ZNF682: variants seen among roughly 807,000 people sequenced by gnomAD.
The protein encoded by ZNF682 is zinc finger protein 682.
Under a neutral mutation model 36.5 loss-of-function variants are expected in ZNF682, and 29 were observed. The observed-to-expected ratio is 0.80, with a 90% CI of 0.59 to 1.08. The LOEUF (loss-of-function observed/expected upper bound fraction) is 1.08. ZNF682 is among the 50% of genes least tolerant of loss of function. The pLI is 0.00. For synonymous variants in ZNF682, 180 were observed against 197.0 expected (o/e 0.91, Z 0.72); for missense variants, 561 against 579.7 (o/e 0.97, Z 0.33).
intron 3 of ZNF682, chr19:20,007,863 C>T (rs2088242589): frequency 6.5e-6 from 1 of 153,322 alleles, no homozygotes; most frequent in African/African-American, 2.4e-5. Context: ...GCATCTTGCA[C>T]TGAGGGGATC....
chr19:20,023,769 G>A (rs1006308933), intron 2 of ZNF682, among the ~76,000 whole-genome samples: 2 of 151,858 alleles, frequency 1.3e-5, no homozygotes, highest in African/African-American at 4.8e-5. Context: ...ATCACGTGAG[G>A]TCAGGAGTTC....
intron 3 of ZNF682, among the ~76,000 whole-genome samples, chr19:20,020,714 A>G (rs1210022715): frequency 6.6e-6 from 1 of 152,212 alleles, no homozygotes; most frequent in Non-Finnish European, 1.5e-5. Context: ...ACAATAGAGT[A>G]TTATTCAGCC....
chr19:19,995,186 AATAAT>A (rs879811068), downstream of ZNF682, among the ~76,000 whole-genome samples: 27 of 152,310 alleles, frequency 1.8e-4, no homozygotes, highest in African/African-American at 6.0e-4. Context: ...ATAATAAACA[AATAAT>A]ATAATAAGCA....
At chr19:20,026,033 T>C (rs2122369855) in intron 1 of ZNF682, among the ~76,000 whole-genome samples, 1 of 152,300 alleles carries the variant, frequency 6.6e-6, no homozygotes, top group East Asian at 1.9e-4. Context: ...CCAGGTGCTG[T>C]GGCTCACGCC....
chr19:20,029,041 C>T lies in ZNF682; in HGVS notation c.4-4665G>A, dbSNP rs573761954. ...TTGCCCAGGCTGGAGGGCAGTGGCACGATCTTGGCTCACTGCAATTTCCAC... is the reference window on the plus strand; with the variant it reads ...TTGCCCAGGCTGGAGGGCAGTGGCATGATCTTGGCTCACTGCAATTTCCAC... On this transcript the variant is annotated intron_variant, in intron 1 of 3. Transcript: ENST00000397165. Among the ~76,000 whole-genome samples, 23 of 149,656 alleles carry T rather than the reference C, an allele frequency of 1.5e-4. No homozygotes were observed. In the South Asian group the frequency reaches 4.2e-3, roughly 27 times the overall value.
intron 1 of ZNF682, among the ~76,000 whole-genome samples, chr19:20,025,306 G>A (rs548105789): frequency 1.3e-5 from 2 of 152,188 alleles, no homozygotes; most frequent in South Asian, 2.1e-4. Context: ...AGGTACTTAC[G>A]AATAATAAAG....
At chr19:20,033,082 G>A (rs1284643454) in intron 1 of ZNF682, among the ~76,000 whole-genome samples, 1 of 152,096 alleles carries the variant, frequency 6.6e-6, no homozygotes, top group Admixed American at 6.5e-5. Context: ...CCTGGCCAAC[G>A]TGGTGAAACC....
At position 20,005,936 on chromosome 19, in the gene ZNF682, G is replaced by A; in HGVS notation, c.*69C>T. ...GTATGAATTATCTTGTGATTTCAAT[G>A]CCTTGAGCAAGATTTATGGAATTTG... On this transcript the variant is annotated 3_prime_UTR_variant, in exon 4 of 4. Coordinates refer to ENST00000397165, the MANE Select transcript of ZNF682 (RefSeq NM_033196.3). 7.1e-7 allele frequency: 1 copy of A among 1,407,740 alleles called. No individual in the cohort carries two copies. Among genetic ancestry groups the A allele is most frequent in the Non-Finnish European group, 9.7e-7 (1 of 1,035,650 alleles). The allele number at this position is 1,407,740 out of a possible 1,614,324, so 87.2% of individuals were successfully genotyped here. A position where few individuals can be genotyped will look rare whatever the true frequency, so the allele number is the denominator to read the frequency against.
intron 3 of ZNF682, among the ~76,000 whole-genome samples, chr19:20,013,300 CAT>C (rs1460790559): frequency 1.3e-5 from 2 of 151,764 alleles, no homozygotes; most frequent in Non-Finnish European, 2.9e-5. Context: ...AAAACTATAA[CAT>C]ATATATTATC....
chr19:20,006,623 C>T lies in ZNF682; in HGVS notation c.879G>A (p.Ala293=), dbSNP rs373708129. 2.1e-4 allele frequency: 341 copies of T among 1,613,916 alleles called. 3 individuals are homozygous for T. The South Asian group carries it at 3.3e-3, about 16-fold the overall frequency. Residue 293 remains alanine, a synonymous_variant, in exon 4 of 4, where the codon GCG becomes GCA. Transcript: ENST00000397165. ...TGGTGAGATGTGAGTGCCGGTTAAA[C>T]GCTCTGCCACAGTCTTCACATGTAT... ...KPYTCEDCGR[A]FNRHSHLTKH...
chr19:20,025,407 G>A (rs1345459148), intron 1 of ZNF682, among the ~76,000 whole-genome samples: 1 of 152,234 alleles, frequency 6.6e-6, no homozygotes, highest in African/African-American at 2.4e-5. Flanking sequence ...GCCAGGCGCG[G>A]TGGCTCACGC....
Position 20,038,387 on chromosome 19 carries a change from ATGT to A in ZNF682, c.3+953_3+955del, listed in dbSNP as rs917323266. Among the ~76,000 whole-genome samples, 74 of 152,310 alleles carry A rather than the reference ATGT, an allele frequency of 4.9e-4. 1 individual carries two copies. The highest frequency in any genetic ancestry group is 1.7e-3 in the African/African-American group (69 of 41,582). ...TACAAAAAAGGACTAATAGTTGATA[ATGT>A]TGTGAATTAGAGAGGGGAAGTTGGT... On this transcript the variant is annotated intron_variant, in intron 1 of 3. Coordinates refer to ENST00000397165, the MANE Select transcript of ZNF682 (RefSeq NM_033196.3).
intron 3 of ZNF682, among the ~76,000 whole-genome samples, chr19:20,016,082 G>C (rs951544501): frequency 6.6e-6 from 1 of 152,128 alleles, no homozygotes; most frequent in Non-Finnish European, 1.5e-5. Context: ...AAGCTGAGGC[G>C]GGTGGATCGC....
chr19:19,995,966 G>T (rs2122274104), downstream of ZNF682, among the ~76,000 whole-genome samples: 1 of 152,290 alleles, frequency 6.6e-6, no homozygotes, highest in Middle Eastern at 3.4e-3. Flanking sequence ...ATTGTCATGG[G>T]GTTGCCATGG....
downstream of ZNF682, among the ~76,000 whole-genome samples, chr19:20,003,236 A>G (rs1012579200): frequency 2.3e-4 from 35 of 150,982 alleles, no homozygotes; most frequent in Middle Eastern, 6.9e-3. Flanking sequence ...AGAGCAACAA[A>G]GGAAAGATTG....
In ZNF682 at chr19:20,024,380, A is replaced by G. The variant is rs746927691; in HGVS notation, c.4-4T>C. The G allele has an allele frequency of 1.2e-5, 20 of 1,605,966 alleles. No individual in the cohort carries two copies. The highest frequency in any genetic ancestry group is 1.6e-5 in the Non-Finnish European group (19 of 1,177,736). ...CATCCCTGAATGTCAACAGTTCCTG[A>G]AAAACAAAACAAAACATAGTGACCA... On this transcript the variant is annotated splice_region_variant and splice_polypyrimidine_tract_variant and intron_variant, in intron 1 of 3. Coordinates refer to ENST00000397165, the MANE Select transcript of ZNF682 (RefSeq NM_033196.3).
intron 1 of ZNF682, among the ~76,000 whole-genome samples, chr19:20,035,993 C>G (rs1349488145): frequency 1.3e-5 from 2 of 152,148 alleles, no homozygotes; most frequent in Non-Finnish European, 2.9e-5. Context: ...ACCTCAGCCT[C>G]CCAAAGTGCT....
intron 3 of ZNF682, among the ~76,000 whole-genome samples, chr19:20,012,538 C>T (rs986292363): frequency 1.3e-5 from 2 of 151,980 alleles, no homozygotes; most frequent in African/African-American, 4.8e-5. Flanking sequence ...GAGGCCGAGG[C>T]GGGTGGATCA....
intron 1 of ZNF682, among the ~76,000 whole-genome samples, chr19:20,036,441 C>G (rs926401678): frequency 6.6e-6 from 1 of 151,602 alleles, no homozygotes; most frequent in Non-Finnish European, 1.5e-5. Flanking sequence ...CCTGTCTCTA[C>G]TAAAAATACA....
Sources: gnomAD v4.1 joint callset for allele counts (sites outside exome capture counted in the v4.1 genomes callset) on GRCh38, gnomAD v4.1.1 for gene constraint, MANE v1.5 for transcripts, NCBI Gene and HGNC (gene_info 2026-07-23, HGNC 2026-07-21) for gene names.